The following UBE2E3 variants were observed in gnomAD, a reference collection of about 807,000 sequenced individuals.
UBE2E3 encodes the protein ubiquitin-conjugating enzyme E2 E3.
In UBE2E3, 5 loss-of-function variants were observed where a neutral mutation model predicts 23.6. The observed-to-expected ratio is 0.21, with a 90% CI of 0.11 to 0.44. UBE2E3 has a LOEUF of 0.44. UBE2E3 is among the 20% of genes least tolerant of loss of function. The probability of loss-of-function intolerance (pLI) is 0.99; values close to 1 mark genes in which losing one functional copy is unlikely to be tolerated. For synonymous variants in UBE2E3, 78 were observed against 87.5 expected (o/e 0.89, Z 0.60); for missense variants, 81 against 249.8 (o/e 0.32, Z 4.55).
intron 3 of UBE2E3, among the ~76,000 whole-genome samples, chr2:181,044,620 A>T (rs1394134523): frequency 6.6e-6 from 1 of 152,150 alleles, no homozygotes; most frequent in Admixed American, 6.5e-5. Context: ...AAGATTTGTG[A>T]CATAATTCCA....
At chr2:181,021,489 CTTCCT>C (rs201457866) in intron 3 of UBE2E3, among the ~76,000 whole-genome samples, 2,299 of 133,538 alleles carry the variant, frequency 0.017, 65 homozygotes, top group African/African-American at 0.059. Context: ...CTCTCTCTCT[CTTCCT>C]TTCCTTTCCT....
intron 3 of UBE2E3, among the ~76,000 whole-genome samples, chr2:181,013,152 A>G (rs73037093): frequency 0.038 from 5,831 of 152,218 alleles, 310 homozygotes; most frequent in East Asian, 0.19. Context: ...AATTGCAAAT[A>G]TGTTAATTGC....
At chr2:180,980,386 C>A (rs1361467541), upstream of UBE2E3, 1 of 151,714 alleles carries the variant, frequency 6.6e-6, no homozygotes, top group Admixed American at 6.6e-5. This position sits in a 1 kb window ranked among gnomAD's most constrained non-coding sequence, Gnocchi z 5.5. Context: ...CCAAGGGCGG[C>A]AGGGGCCAGC....
intron 3 of UBE2E3, among the ~76,000 whole-genome samples, chr2:180,992,051 A>G (rs1684674556): frequency 6.6e-6 from 1 of 152,002 alleles, no homozygotes; most frequent in Non-Finnish European, 1.5e-5. Flanking sequence ...ATGAAAGGGT[A>G]TTTTCATTTG....
At chr2:181,058,022 A>G (rs1327700569) in intron 4 of UBE2E3, among the ~76,000 whole-genome samples, 197 bp downstream of exon 4, 1 of 151,790 alleles carries the variant, frequency 6.6e-6, no homozygotes, top group Non-Finnish European at 1.5e-5. Context: ...AAACAGAAAG[A>G]GTTTAATTCT....
At chr2:180,992,333 G>A (rs370485228) in intron 3 of UBE2E3, among the ~76,000 whole-genome samples, 4 of 151,964 alleles carry the variant, frequency 2.6e-5, no homozygotes, top group Non-Finnish European at 4.4e-5. Context: ...TTAAACACAA[G>A]TATTAAGTAA....
chr2:181,057,272 A>G (rs7371639), intron 3 of UBE2E3, among the ~76,000 whole-genome samples: 118,064 of 151,670 alleles, frequency 0.78, 46,245 homozygotes, highest in East Asian at 0.91. Context: ...ACTGTATTGT[A>G]ATTTATAGGA....
intron 3 of UBE2E3, among the ~76,000 whole-genome samples, chr2:181,043,452 A>G (rs1019156229): frequency 6.6e-6 from 1 of 152,188 alleles, no homozygotes; most frequent in Non-Finnish European, 1.5e-5. Context: ...GGCTTAGTGT[A>G]TAAGATGTAC....
intron 3 of UBE2E3, chr2:180,987,258 A>G (rs1044491875): frequency 4.8e-6 from 7 of 1,463,646 alleles, no homozygotes; most frequent in African/African-American, 4.2e-5. Context: ...GCATTTCCCT[A>G]TTTGTATTTA....
rs117784195 is a variant in UBE2E3, at chr2:180,989,916, A to G, written c.245+5823A>G. ...CAAGTCTTGCATAGAGTGTAAGGAC[A>G]TTCAGATTGAGAATGAAGAACTTGT... is the stretch of plus-strand genomic sequence containing the variant. On this transcript the variant is annotated intron_variant, in intron 3 of 5. Transcript: ENST00000410062. 679 of 1,549,710 alleles carry G rather than the reference A, an allele frequency of 4.4e-4. 10 individuals carry two copies. In the East Asian group the frequency reaches 0.014, roughly 32 times the overall value.
intron 3 of UBE2E3, among the ~76,000 whole-genome samples, chr2:181,046,762 T>G (rs12477135): frequency 0.39 from 58,809 of 151,868 alleles, 12,094 homozygotes; most frequent in East Asian, 0.57. Context: ...AGTTTGGGGT[T>G]TGATAAGAAA....
intron 3 of UBE2E3, among the ~76,000 whole-genome samples, chr2:181,028,900 C>A (rs1369107157): frequency 6.6e-6 from 1 of 151,886 alleles, no homozygotes; most frequent in African/African-American, 2.4e-5. Flanking sequence ...ATGATTAGCA[C>A]TTTTTGTGTC....
At chr2:181,007,950 A>T (rs1486612604) in intron 3 of UBE2E3, among the ~76,000 whole-genome samples, 1 of 152,224 alleles carries the variant, frequency 6.6e-6, no homozygotes, top group African/African-American at 2.4e-5. Context: ...TTTCTACAGG[A>T]AAAGTTTGTT....
At chr2:181,000,241 A>G (rs1326440230) in intron 3 of UBE2E3, among the ~76,000 whole-genome samples, 1 of 152,244 alleles carries the variant, frequency 6.6e-6, no homozygotes, top group Non-Finnish European at 1.5e-5. Context: ...TTTCTACAAC[A>G]TGGGGTTAAG....
At chr2:181,054,597 T>G (rs1686935812) in intron 3 of UBE2E3, among the ~76,000 whole-genome samples, 1 of 151,870 alleles carries the variant, frequency 6.6e-6, no homozygotes, top group Admixed American at 6.6e-5. Context: ...TTTTCTTTAG[T>G]TTTAATGGTT....
At chr2:181,059,009 G>T (rs1460131034) in intron 4 of UBE2E3, among the ~76,000 whole-genome samples, 1 of 151,598 alleles carries the variant, frequency 6.6e-6, no homozygotes, top group African/African-American at 2.4e-5. Context: ...ACAGAAATTG[G>T]CTAATATAAG....
At chr2:181,030,982 C>T (rs1281618092) in intron 3 of UBE2E3, among the ~76,000 whole-genome samples, 1 of 151,978 alleles carries the variant, frequency 6.6e-6, no homozygotes, top group African/African-American at 2.4e-5. Flanking sequence ...ACGTTTGTTA[C>T]CTTTTCTATT....
intron 3 of UBE2E3, among the ~76,000 whole-genome samples, chr2:180,990,379 A>T (rs781495738): frequency 6.6e-6 from 1 of 152,132 alleles, no homozygotes; most frequent in Non-Finnish European, 1.5e-5. Context: ...TCCTATAGAT[A>T]TTTGTTCCTG....
chr2:181,052,760 G>C (rs1369370312), intron 3 of UBE2E3, among the ~76,000 whole-genome samples: 2 of 151,648 alleles, frequency 1.3e-5, no homozygotes, highest in Non-Finnish European at 2.9e-5. Context: ...TTTGCTGAAA[G>C]GTCTACCCAC....
Sources: gnomAD v4.1 joint callset for allele counts (sites outside exome capture counted in the v4.1 genomes callset) on GRCh38, gnomAD v4.1.1 for gene constraint, Gnocchi (gnomAD v3.1) non-coding constraint, MANE v1.5 for transcripts, NCBI Gene and HGNC (gene_info 2026-07-23, HGNC 2026-07-21) for gene names.